IL1RAP: variants seen among roughly 807,000 people sequenced by gnomAD.
IL1RAP encodes the protein interleukin 1 receptor accessory protein, also known as interleukin-1 receptor accessory protein.
IL1RAP carries 35 observed loss-of-function variants against 60.7 expected under a neutral mutation model. The ratio of observed to expected loss-of-function variants is 0.58; its 90% confidence interval spans 0.44 to 0.76. The LOEUF (loss-of-function observed/expected upper bound fraction) is 0.76, where lower values mean the gene tolerates loss of function less well. Among genes scored for constraint, IL1RAP ranks in the 30% least tolerant of loss-of-function variants. The pLI is 0.00. For synonymous variants in IL1RAP, 268 were observed against 250.9 expected (o/e 1.07, Z -0.64); for missense variants, 572 against 693.9 (o/e 0.82, Z 1.97).
At chr3:190,639,940 C>T (rs1733532907) in intron 9 of IL1RAP, among the ~76,000 whole-genome samples, 1 of 152,184 alleles carries the variant, frequency 6.6e-6, no homozygotes, top group Non-Finnish European at 1.5e-5. Context: ...AACTGTCTCA[C>T]AGCCCTTCAT....
chr3:190,564,633 G>A, intron 3 of IL1RAP: 1 of 372,902 alleles, frequency 2.7e-6, no homozygotes, highest in South Asian at 4.1e-5. Context: ...CTAGAATATT[G>A]CTTTTTTCCC....
chr3:190,623,600 G>T (rs575413557), intron 7 of IL1RAP, among the ~76,000 whole-genome samples, 185 bp downstream of exon 7: 2 of 152,324 alleles, frequency 1.3e-5, no homozygotes, highest in African/African-American at 4.8e-5. Flanking sequence ...GGCAACTCTA[G>T]AATTTTTTGC....
intron 3 of IL1RAP, among the ~76,000 whole-genome samples, chr3:190,591,870 A>C (rs1728969810): frequency 6.6e-6 from 1 of 152,222 alleles, no homozygotes; most frequent in Non-Finnish European, 1.5e-5. Context: ...ACTGTGTCAC[A>C]CTTGACACAG....
chr3:190,607,238 A>T (rs537662429), intron 4 of IL1RAP, among the ~76,000 whole-genome samples: 6 of 152,170 alleles, frequency 3.9e-5, no homozygotes, highest in Non-Finnish European at 8.8e-5. Context: ...TGTTATTTAG[A>T]CAAAAATCAC....
At chr3:190,568,020 G>A (rs953647149) in intron 3 of IL1RAP, among the ~76,000 whole-genome samples, 4 of 151,722 alleles carry the variant, frequency 2.6e-5, no homozygotes, top group Non-Finnish European at 4.4e-5. Context: ...AAGTTGAGGA[G>A]GTAATAAAAA....
At chr3:190,532,319 G>C (rs919527754) in intron 1 of IL1RAP, among the ~76,000 whole-genome samples, 1 of 146,066 alleles carries the variant, frequency 6.8e-6, no homozygotes, top group Non-Finnish European at 1.5e-5. Context: ...CTGGAGTGCA[G>C]TGGCACCATC....
chr3:190,577,378 T>G (rs1396330727), intron 3 of IL1RAP, among the ~76,000 whole-genome samples: 1 of 152,154 alleles, frequency 6.6e-6, no homozygotes, highest in African/African-American at 2.4e-5. Flanking sequence ...TTTGAGTCAT[T>G]TGTCAAATTA....
chr3:190,587,443 G>C (rs374513706), intron 3 of IL1RAP, among the ~76,000 whole-genome samples: 8 of 152,354 alleles, frequency 5.3e-5, no homozygotes, highest in African/African-American at 1.9e-4. Context: ...AATGGTACTG[G>C]TAGTTCCTAT....
At chr3:190,630,159 C>A in intron 9 of IL1RAP, 1 of 768,364 alleles carries the variant, frequency 1.3e-6, no homozygotes, top group Non-Finnish European at 1.6e-6. Context: ...GCCACAATTG[C>A]TAAAATGAAA....
chr3:190,647,143 C>T (rs1252830823), intron 11 of IL1RAP, among the ~76,000 whole-genome samples: 1 of 152,124 alleles, frequency 6.6e-6, no homozygotes, highest in Non-Finnish European at 1.5e-5. Flanking sequence ...CGCTCTTACC[C>T]AATCTTCTTT....
intron 3 of IL1RAP, among the ~76,000 whole-genome samples, chr3:190,576,112 C>T (rs10439972): frequency 2.0e-5 from 3 of 151,770 alleles, no homozygotes; most frequent in Non-Finnish European, 4.4e-5. Context: ...CAAAACAAAT[C>T]GCAGTTGAAT....
intron 3 of IL1RAP, among the ~76,000 whole-genome samples, chr3:190,598,916 C>T (rs1202655677): frequency 2.6e-5 from 4 of 152,066 alleles, no homozygotes; most frequent in Admixed American, 2.0e-4. Flanking sequence ...AATTCTATTA[C>T]GTCTCTTAGT....
intron 1 of IL1RAP, among the ~76,000 whole-genome samples, chr3:190,521,643 T>G (rs1722027569): frequency 6.6e-6 from 1 of 152,026 alleles, no homozygotes; most frequent in Admixed American, 6.6e-5. Flanking sequence ...CGGTGAGAAT[T>G]ACAACCGGGT....
intron 10 of IL1RAP, 56 bp from the exon 11 acceptor site, chr3:190,645,643 G>A (rs1733962576): frequency 6.5e-6 from 9 of 1,386,532 alleles, no homozygotes; most frequent in Middle Eastern, 1.9e-4. Context: ...TAAGAAAAAT[G>A]TAATGGTATT....
intron 1 of IL1RAP, among the ~76,000 whole-genome samples, chr3:190,524,735 A>T (rs1042595075): frequency 2.6e-5 from 4 of 152,204 alleles, no homozygotes; most frequent in Admixed American, 2.6e-4. Flanking sequence ...AGGCAATGAT[A>T]CATAAATAAG....
intron 5 of IL1RAP, among the ~76,000 whole-genome samples, chr3:190,619,892 A>G (rs1002575822): frequency 6.6e-6 from 1 of 152,170 alleles, no homozygotes; most frequent in African/African-American, 2.4e-5. Flanking sequence ...GTGAAGAAAT[A>G]TTATAAAAAG....
At chr3:190,635,373 A>G (rs561506844) in intron 9 of IL1RAP, among the ~76,000 whole-genome samples, 104 of 151,784 alleles carry the variant, frequency 6.9e-4, no homozygotes, top group African/African-American at 2.4e-3. Flanking sequence ...TCATATACTT[A>G]TTTTCCTCTT....
chr3:190,612,393 A>T (rs902809482), intron 5 of IL1RAP, among the ~76,000 whole-genome samples: 1 of 152,024 alleles, frequency 6.6e-6, no homozygotes, highest in African/African-American at 2.4e-5. Context: ...TTTTGTTCCC[A>T]TACACATCCT....
At chr3:190,564,605 AC>A (rs2108628547) in intron 3 of IL1RAP, 1 of 455,816 alleles carries the variant, frequency 2.2e-6, no homozygotes, top group East Asian at 3.6e-5. Flanking sequence ...ATTTTTCATT[AC>A]CTTCACACTC....
Sources: gnomAD v4.1 joint callset for allele counts (sites outside exome capture counted in the v4.1 genomes callset) on GRCh38, gnomAD v4.1.1 for gene constraint, MANE v1.5 for transcripts, NCBI Gene and HGNC (gene_info 2026-07-23, HGNC 2026-07-21) for gene names.